Variants in ADAM12 observed in about 807,000 individuals in gnomAD.
ADAM12 encodes disintegrin and metalloproteinase domain-containing protein 12.
In ADAM12, 70 loss-of-function variants were observed where a neutral mutation model predicts 106.4. The ratio of observed to expected loss-of-function variants is 0.66; its 90% CI spans 0.54 to 0.80. The LOEUF (loss-of-function observed/expected upper bound fraction) is 0.80, where lower values mean the gene tolerates loss of function less well. Ranked by LOEUF, ADAM12 falls within the 30% of genes least tolerant of loss-of-function variation. The probability of loss-of-function intolerance (pLI) is 0.00; values close to 1 mark genes in which losing one functional copy is unlikely to be tolerated. For synonymous variants in ADAM12, 420 were observed against 433.5 expected (o/e 0.97, Z 0.39); for missense variants, 1,010 against 1,171.9 (o/e 0.86, Z 2.02).
At position 126,049,426 on chromosome 10, in the gene ADAM12, A is replaced by G. The variant is rs1236866754; in HGVS notation, c.1744T>C (p.Cys582Arg). 1 of 1,614,046 alleles carries G rather than the reference A, an allele frequency of 6.2e-7. No individual in the cohort carries two copies. Among genetic ancestry groups the G allele is most frequent in the Non-Finnish European group, 8.5e-7 (1 of 1,180,046 alleles). ...ACTGGCCGGCTGGCACCTCCTTGAC[A>G]CTGGATTTTTCCACATTTAGCATCT... Reference protein sequence around the residue: ...MRDAKCGKIQCQGGASRPVIG... With the variant: ...MRDAKCGKIQRQGGASRPVIG... Residue 582 changes from cysteine (C) to arginine (R), a missense_variant, in exon 16 of 23, where the codon TGT (cysteine) becomes CGT (arginine). By Grantham distance (180) the Cys-to-Arg change is radical (BLOSUM62 -3). This residue lies in a region of ADAM12 where 615 missense variants were observed against 708.5 expected (regional missense o/e 0.87). Coordinates refer to ENST00000448723, the MANE Select transcript of ADAM12 (RefSeq NM_001288973.2). This position sits in a 1 kb window ranked among gnomAD's most constrained non-coding sequence, Gnocchi z 4.4.
chr10:126,122,934 T>G (rs1956140893), intron 5 of ADAM12, among the ~76,000 whole-genome samples: 2 of 152,252 alleles, frequency 1.3e-5, no homozygotes, highest in South Asian at 4.1e-4. Context: ...ATTCTAATCA[T>G]GAGAAGCAAA....
chr10:126,387,804 G>A (rs1235626514), intron 1 of ADAM12, among the ~76,000 whole-genome samples: 3 of 151,768 alleles, frequency 2.0e-5, no homozygotes, highest in Non-Finnish European at 4.4e-5. Flanking sequence ...CGGGGGAGCG[G>A]TCCCGAGGCT....
chr10:126,028,762 A>G (rs530701048), intron 21 of ADAM12, among the ~76,000 whole-genome samples: 8 of 152,262 alleles, frequency 5.3e-5, no homozygotes, highest in African/African-American at 1.9e-4. Flanking sequence ...TTTCATGACA[A>G]CATCAAGAGC....
intron 5 of ADAM12, among the ~76,000 whole-genome samples, chr10:126,133,438 C>T (rs796980211): frequency 9.9e-5 from 15 of 152,252 alleles, no homozygotes; most frequent in African/African-American, 1.7e-4. Flanking sequence ...CTCTAATACC[C>T]GTGGAAAGGT....
At chr10:126,387,937 C>G (rs1856733742) in intron 1 of ADAM12, 121 bp downstream of exon 1, 3 of 1,134,314 alleles carry the variant, frequency 2.6e-6, no homozygotes, top group Non-Finnish European at 2.2e-6. Context: ...AGCCCCGGGG[C>G]TCCGGAGATG....
intron 11 of ADAM12, among the ~76,000 whole-genome samples, chr10:126,079,710 T>C (rs1250427280): frequency 6.6e-6 from 1 of 152,240 alleles, no homozygotes; most frequent in African/African-American, 2.4e-5. Context: ...CATGGGCCAC[T>C]TGTCATATCC....
chr10:126,221,562 T>C (rs1009135008), intron 3 of ADAM12, among the ~76,000 whole-genome samples: 2 of 152,190 alleles, frequency 1.3e-5, no homozygotes, highest in African/African-American at 4.8e-5. Context: ...TTTTTTTATA[T>C]TATAACATGT....
At chr10:126,078,706 T>G (rs1049220315) in intron 11 of ADAM12, among the ~76,000 whole-genome samples, 6 of 152,148 alleles carry the variant, frequency 3.9e-5, no homozygotes, top group African/African-American at 7.2e-5. Flanking sequence ...TCTTCTTTTA[T>G]ACTTTTTTTT....
At chr10:126,181,765 A>G (rs1298143005) in intron 3 of ADAM12, among the ~76,000 whole-genome samples, 1 of 152,216 alleles carries the variant, frequency 6.6e-6, no homozygotes, top group Non-Finnish European at 1.5e-5. Context: ...CACTGGCATT[A>G]CACCACTTCT....
chr10:126,046,256 C>G, intron 16 of ADAM12, 124 bp from the exon 17 acceptor site: 1 of 819,540 alleles, frequency 1.2e-6, no homozygotes, highest in Non-Finnish European at 2.1e-6. Context: ...AACCTTGTCT[C>G]AGTTAATACG....
rs1376932706 is a variant in ADAM12 at position 126,053,616 on chromosome 10, G to T, written c.1610-3947C>A. On this transcript the variant is annotated intron_variant, in intron 14 of 22. Coordinates refer to ENST00000448723, the MANE Select transcript of ADAM12 (RefSeq NM_001288973.2). The surrounding 1 kb of genome is among the most constrained non-coding windows in gnomAD (Gnocchi z 4.6). ...TTAACTTAATGAGAAACAGTTAAAA[G>T]AATCACATTTTAATTTAGATTGTCT... Among the ~76,000 whole-genome samples, 1 of 151,944 alleles carries T rather than the reference G, an allele frequency of 6.6e-6. No homozygotes were observed. Among genetic ancestry groups the T allele is most frequent in the Non-Finnish European group, 1.5e-5 (1 of 67,974 alleles).
intron 3 of ADAM12, among the ~76,000 whole-genome samples, chr10:126,166,730 C>G (rs1438449082): frequency 6.6e-6 from 1 of 152,144 alleles, no homozygotes; most frequent in Non-Finnish European, 1.5e-5. Context: ...ATCTCTTGAC[C>G]TTGTGATCCG....
Position 126,064,870 on chromosome 10 carries a change from G to A in ADAM12, c.1545C>T (p.Asp515=), listed in dbSNP as rs139774996. 124 of 1,612,636 alleles carry A rather than the reference G, an allele frequency of 7.7e-5. 1 individual carries two copies. The Middle Eastern group carries it at 3.8e-3, about 50-fold the overall frequency. Reference sequence around the variant, plus strand: ...GGCAGATGCCATTGTAGCAGTAGCCGTCCACATCCTGACATGAGTGCCCAT... The same window carrying A: ...GGCAGATGCCATTGTAGCAGTAGCCATCCACATCCTGACATGAGTGCCCAT... ...LHDGHSCQDV[D]GYCYNGICQT... is the part of the protein sequence containing the mutation. Residue 515 remains aspartate (D), a synonymous_variant, in exon 14 of 23, where the codon GAC becomes GAT. Transcript: ENST00000448723. This position sits in a 1 kb window ranked among gnomAD's most constrained non-coding sequence, Gnocchi z 4.4.
At chr10:126,051,536 CCCATCCATCCATCCATCCATCCATCCAT>C (rs61278142) in intron 14 of ADAM12, among the ~76,000 whole-genome samples, 18 of 118,994 alleles carry the variant, frequency 1.5e-4, no homozygotes, top group Non-Finnish European at 2.7e-4. Flanking sequence ...CAGCCAGCCA[CCCATCCATCCATCCATCCATCCATCCAT>C]CCATCCATCC....
At chr10:126,133,638 C>T (rs1956348828) in intron 5 of ADAM12, among the ~76,000 whole-genome samples, 1 of 151,766 alleles carries the variant, frequency 6.6e-6, no homozygotes, top group South Asian at 2.1e-4. Flanking sequence ...CTCCAAGCTC[C>T]CTGGCACCCA....
intron 3 of ADAM12, among the ~76,000 whole-genome samples, chr10:126,186,504 C>G (rs1957401471): frequency 6.6e-6 from 1 of 152,222 alleles, no homozygotes; most frequent in Non-Finnish European, 1.5e-5. Flanking sequence ...GCCCAACACA[C>G]TGTATTCACT....
intron 5 of ADAM12, among the ~76,000 whole-genome samples, chr10:126,120,750 G>T (rs972326814): frequency 1.3e-5 from 2 of 151,120 alleles, no homozygotes; most frequent in Admixed American, 6.7e-5. Context: ...ATATTTTGGG[G>T]TATCATTTTC....
chr10:126,106,492 T>C (rs980173094), intron 8 of ADAM12, among the ~76,000 whole-genome samples: 1 of 148,118 alleles, frequency 6.8e-6, no homozygotes, highest in African/African-American at 2.5e-5. Context: ...TCTTCTTTTT[T>C]TTTTTTTTTT....
At chr10:126,219,741 G>A (rs186212677) in intron 3 of ADAM12, among the ~76,000 whole-genome samples, 3 of 152,214 alleles carry the variant, frequency 2.0e-5, no homozygotes, top group Admixed American at 6.5e-5. Context: ...TCCATTTAAC[G>A]GGTACATTAA....
Sources: gnomAD v4.1 joint callset for allele counts (sites outside exome capture counted in the v4.1 genomes callset) on GRCh38, gnomAD v4.1.1 for gene constraint, gnomAD v4.1.1 regional missense constraint, Gnocchi (gnomAD v3.1) non-coding constraint, MANE v1.5 for transcripts, NCBI Gene and HGNC (gene_info 2026-07-23, HGNC 2026-07-21) for gene names.